RBFOX1: variants seen among roughly 807,000 people sequenced by gnomAD.
RBFOX1 encodes the protein RNA binding fox-1 homolog 1.
A neutral mutation model predicts 57.7 loss-of-function variants in RBFOX1; 8 were observed. The observed-to-expected ratio is 0.14, with a 90% confidence interval of 0.08 to 0.25. The LOEUF is 0.25. Among genes scored for constraint, RBFOX1 ranks in the 10% least tolerant of loss-of-function variants. The pLI is 1.00. For synonymous variants in RBFOX1, 326 were observed against 222.4 expected (o/e 1.47, Z -4.15); for missense variants, 611 against 548.5 (o/e 1.11, Z -1.14).
At chr16:5,461,447 T>C (rs1488915101) in intron 1 of RBFOX1, among the ~76,000 whole-genome samples, 1 of 152,160 alleles carries the variant, frequency 6.6e-6, no homozygotes, top group Non-Finnish European at 1.5e-5. Context: ...ACCTAATTAT[T>C]GTGCTGGGCA....
Position 5,946,939 on chromosome 16 carries a change from C to G in RBFOX1, c.351+79604C>G, listed in dbSNP as rs1368630210. ...TTCTCTGTTAGAAGAAAGGCCAGAG[C>G]AGTGGCTCACAGCCGTAATCCTAGC... On this transcript the variant is annotated intron_variant, in intron 4 of 19. Coordinates refer to the RBFOX1 transcript ENST00000641259. The surrounding 1 kb of genome is among the most constrained non-coding windows in gnomAD (Gnocchi z 4.6). Among the ~76,000 whole-genome samples the G allele has an allele frequency of 6.6e-6, 1 of 152,142 alleles. No homozygotes were observed. The highest frequency in any genetic ancestry group is 1.5e-5 in the Non-Finnish European group (1 of 68,022).
At chr16:5,275,751 C>T (rs1025673990) in intron 1 of RBFOX1, among the ~76,000 whole-genome samples, 39 of 152,134 alleles carry the variant, frequency 2.6e-4, no homozygotes, top group African/African-American at 7.9e-4. Context: ...CAAAAAGAAC[C>T]AATCTAGAGG....
At chr16:5,509,240 G>A (rs574258411) in intron 2 of RBFOX1, among the ~76,000 whole-genome samples, 50 of 152,314 alleles carry the variant, frequency 3.3e-4, no homozygotes, top group African/African-American at 1.0e-3. Flanking sequence ...TGAGCCCTGG[G>A]GAATGAGGAG....
At chr16:5,972,473 T>C (rs2059982634) in intron 4 of RBFOX1, among the ~76,000 whole-genome samples, 2 of 152,186 alleles carry the variant, frequency 1.3e-5, no homozygotes, top group Admixed American at 6.5e-5. Context: ...CCATCAAGTA[T>C]TCCAGCGTCC....
rs562101795 is a variant in RBFOX1 at position 6,805,831 on chromosome 16, C to A, written c.-16+151181C>A. 7.2e-5 allele frequency among the ~76,000 whole-genome samples: 11 copies of A among 152,294 alleles called. No individual in the cohort carries two copies. The South Asian group carries it at 2.1e-3, about 29-fold the overall frequency. Reference sequence around the variant, plus strand: ...TTCGCTGCCCTGTTGTCCTCAGCATCTATCTCCGCCTTTCTCCTTACAGTC... The same window carrying A: ...TTCGCTGCCCTGTTGTCCTCAGCATATATCTCCGCCTTTCTCCTTACAGTC... On this transcript the variant is annotated intron_variant, in intron 3 of 15. Transcript: ENST00000550418.
intron 4 of RBFOX1, among the ~76,000 whole-genome samples, chr16:5,987,273 A>G (rs915895500): frequency 6.6e-6 from 1 of 151,690 alleles, no homozygotes; most frequent in African/African-American, 2.4e-5. Context: ...TATATTCTGG[A>G]TATTATTCAT....
chr16:6,904,500 C>T (rs558894439), intron 3 of RBFOX1, among the ~76,000 whole-genome samples: 2 of 148,134 alleles, frequency 1.4e-5, no homozygotes, highest in African/African-American at 2.5e-5. Flanking sequence ...ACTCGGGAGG[C>T]CGAGGCAGGA....
intron 3 of RBFOX1, among the ~76,000 whole-genome samples, chr16:6,892,219 C>G (rs1446775722): frequency 6.6e-6 from 1 of 152,106 alleles, no homozygotes; most frequent in Admixed American, 6.5e-5. Context: ...CAGAACTTCC[C>G]CAGAGCTCCT....
intron 1 of RBFOX1, among the ~76,000 whole-genome samples, chr16:6,126,607 A>G (rs1337405967): frequency 6.6e-6 from 1 of 152,158 alleles, no homozygotes; most frequent in East Asian, 1.9e-4. Context: ...TGTGCATGCT[A>G]CCAGGTCAGG....
chr16:6,526,032 A>C (rs1402492106), intron 2 of RBFOX1, among the ~76,000 whole-genome samples: 2 of 152,198 alleles, frequency 1.3e-5, no homozygotes, highest in Non-Finnish European at 2.9e-5. Context: ...AATGGAATTA[A>C]ACACTTGGAA....
intron 11 of RBFOX1, among the ~76,000 whole-genome samples, chr16:7,640,933 T>C (rs1042711587): frequency 6.6e-6 from 1 of 151,276 alleles, no homozygotes; most frequent in Non-Finnish European, 1.5e-5. Flanking sequence ...CCATTTTACA[T>C]TCAGAGCTCT....
At chr16:7,146,898 A>T (rs1209839595) in intron 4 of RBFOX1, among the ~76,000 whole-genome samples, 1 of 145,678 alleles carries the variant, frequency 6.9e-6, no homozygotes, top group Admixed American at 7.0e-5. Context: ...GCAGTGAGCC[A>T]TGTTTGCGCC....
intron 1 of RBFOX1, among the ~76,000 whole-genome samples, chr16:5,369,913 C>T (rs1481320021): frequency 1.3e-5 from 2 of 152,120 alleles, no homozygotes; most frequent in Admixed American, 6.5e-5. Context: ...CTATAGATGT[C>T]TGAGAATGTT....
chr16:5,989,852 A>ACCCACACC (rs1567227198), intron 4 of RBFOX1, among the ~76,000 whole-genome samples: 1 of 103,810 alleles, frequency 9.6e-6, no homozygotes, highest in African/African-American at 3.5e-5. Flanking sequence ...TAACACACAC[A>ACCCACACC]CACACACACA....
chr16:7,384,073 C>A (rs530101133), intron 4 of RBFOX1, among the ~76,000 whole-genome samples: 1 of 150,346 alleles, frequency 6.7e-6, no homozygotes, highest in Non-Finnish European at 1.5e-5. Context: ...AAAAAAGTAT[C>A]CCAAGTATGA....
chr16:5,867,811 A>G (rs374347952), intron 4 of RBFOX1, among the ~76,000 whole-genome samples: 1 of 151,952 alleles, frequency 6.6e-6, no homozygotes, highest in South Asian at 2.1e-4. Context: ...TCCCGGGTTC[A>G]AGTGATTCTC....
At chr16:7,265,962 T>TG (rs1567956565) in intron 4 of RBFOX1, among the ~76,000 whole-genome samples, 13 of 99,206 alleles carry the variant, frequency 1.3e-4, no homozygotes, top group East Asian at 2.7e-4. Context: ...TGGTGGGTTT[T>TG]TGTTTTTTTT....
At chr16:6,863,444 A>C (rs1416468644) in intron 3 of RBFOX1, among the ~76,000 whole-genome samples, 2 of 152,102 alleles carry the variant, frequency 1.3e-5, no homozygotes, top group African/African-American at 2.4e-5. Flanking sequence ...GGAACTAAGC[A>C]AGTTTTGCCT....
chr16:5,380,210 A>G (rs77247768), intron 1 of RBFOX1, among the ~76,000 whole-genome samples: 1,747 of 152,286 alleles, frequency 0.011, 21 homozygotes, highest in African/African-American at 0.028. Context: ...AGCTTCCTCC[A>G]TCTGACATGC....
Sources: allele counts gnomAD v4.1 joint callset (sites outside exome capture counted in the v4.1 genomes callset), GRCh38; gene constraint gnomAD v4.1.1; non-coding constraint Gnocchi (gnomAD v3.1); transcripts MANE v1.5; gene names NCBI Gene and HGNC (gene_info 2026-07-23, HGNC 2026-07-21).